The following PRPSAP2 variants were observed in gnomAD, a reference collection of about 807,000 sequenced individuals.
PRPSAP2 encodes the protein phosphoribosyl pyrophosphate synthase-associated protein 2.
A neutral mutation model predicts 40.6 loss-of-function variants in PRPSAP2; 24 were observed. The observed-to-expected ratio is 0.59, with a 90% CI of 0.43 to 0.83. The LOEUF is 0.83. Among genes scored for constraint, PRPSAP2 ranks in the 40% least tolerant of loss-of-function variants. PRPSAP2 has a pLI of 0.00. For synonymous variants in PRPSAP2, 149 were observed against 164.7 expected (o/e 0.90, Z 0.73); for missense variants, 292 against 465.6 (o/e 0.63, Z 3.43).
At chr17:18,917,309 C>T (rs905247035) in intron 9 of PRPSAP2, 1 of 151,126 alleles carries the variant, frequency 6.6e-6, no homozygotes, top group African/African-American at 2.4e-5. Context: ...AAATGTGACT[C>T]GAAGTGGTTA....
chr17:18,904,136 TCA>T (rs1006955762), intron 8 of PRPSAP2: 15 of 152,220 alleles, frequency 9.9e-5, no homozygotes, highest in African/African-American at 3.6e-4. Context: ...TCTCCAAGCC[TCA>T]GTTTCCTGGG....
At chr17:18,928,446 T>C (rs547236147) in intron 10 of PRPSAP2, 1 of 286,622 alleles carries the variant, frequency 3.5e-6, no homozygotes, top group East Asian at 8.2e-5. Context: ...TTAACACTTT[T>C]TCTGTGCATT....
chr17:18,861,186 C>T lies in PRPSAP2; in HGVS notation c.-129+2925C>T, dbSNP rs149109172. On this transcript the variant is annotated intron_variant, in intron 1 of 11. Transcript: ENST00000268835. ...TAAAACTACAAGCAGGCATTATGGCCGGGCGCAGTGGCTCATGCCTGTAAT... is the reference window on the plus strand; with the variant it reads ...TAAAACTACAAGCAGGCATTATGGCTGGGCGCAGTGGCTCATGCCTGTAAT... Among the ~76,000 whole-genome samples, 498 of 152,246 alleles carry T rather than the reference C, an allele frequency of 3.3e-3. 1 individual carries two copies. Among genetic ancestry groups the T allele is most frequent in the African/African-American group, 0.012 (482 of 41,536 alleles).
chr17:18,868,140 A>G (rs2037564477), intron 4 of PRPSAP2, among the ~76,000 whole-genome samples: 1 of 152,018 alleles, frequency 6.6e-6, no homozygotes. Context: ...AAATAAATAG[A>G]AAGTGATCTT....
chr17:18,918,621 C>T (rs533685083), intron 9 of PRPSAP2, among the ~76,000 whole-genome samples: 1 of 152,358 alleles, frequency 6.6e-6, no homozygotes, highest in East Asian at 1.9e-4. Flanking sequence ...CAGGCCAGGC[C>T]TGCATCTGTG....
chr17:18,872,788 A>T, intron 5 of PRPSAP2, 139 bp downstream of exon 5: 1 of 652,594 alleles, frequency 1.5e-6, no homozygotes, highest in Non-Finnish European at 2.6e-6. Context: ...TTAGAAAACT[A>T]AGTTTTCTGA....
At chr17:18,883,149 G>C (rs968898154) in intron 7 of PRPSAP2, among the ~76,000 whole-genome samples, 13 of 152,124 alleles carry the variant, frequency 8.5e-5, no homozygotes, top group Non-Finnish European at 1.9e-4. Context: ...GGGAACCACT[G>C]TCCTGAAGCG....
chr17:18,922,278 G>A lies in PRPSAP2; in HGVS notation c.734-1636G>A, dbSNP rs141909745. Among the ~76,000 whole-genome samples the A allele has an allele frequency of 9.7e-4, 148 of 152,266 alleles. 1 individual carries two copies. The highest frequency in any genetic ancestry group is 3.5e-3 in the African/African-American group (145 of 41,552). On this transcript the variant is annotated intron_variant, in intron 9 of 11. Coordinates refer to ENST00000268835, the MANE Select transcript of PRPSAP2 (RefSeq NM_002767.4). Reference sequence around the variant, plus strand: ...GTATGAGTTTTCTGTGTGGATAGATGATTCATTTCTCATGGTCTATACCTG... The same window carrying A: ...GTATGAGTTTTCTGTGTGGATAGATAATTCATTTCTCATGGTCTATACCTG...
chr17:18,865,887 TG>T lies in PRPSAP2; in HGVS notation c.56del (p.Gly19ValfsTer24). 6.5e-7 allele frequency: 1 copy of T among 1,547,058 alleles called. No homozygotes were observed. The highest frequency in any genetic ancestry group is 8.8e-7 in the Non-Finnish European group (1 of 1,138,456). On this transcript the variant is annotated frameshift_variant, in exon 3 of 12. Transcript: ENST00000268835. LOFTEE classifies it high-confidence loss of function. ...LETKMNITKG[G>X]LVLFSANSNS... ...AAACCAAGATGAACATAACCAAAGG[TG>T]GTCTGGTGTTGTTTTCAGCAAACTC...
intron 8 of PRPSAP2, among the ~76,000 whole-genome samples, chr17:18,891,219 C>A (rs1254074401): frequency 1.3e-5 from 2 of 152,184 alleles, no homozygotes; most frequent in African/African-American, 4.8e-5. Flanking sequence ...GGAGAACTTG[C>A]ACACAGTAAG....
intron 5 of PRPSAP2, among the ~76,000 whole-genome samples, chr17:18,877,255 G>C (rs1444447510): frequency 6.6e-6 from 1 of 151,676 alleles, no homozygotes; most frequent in Non-Finnish European, 1.5e-5. Context: ...CAGCAAAGGG[G>C]AGCAGAGGGG....
chr17:18,901,379 T>A (rs1004012993), intron 8 of PRPSAP2, among the ~76,000 whole-genome samples: 1 of 151,948 alleles, frequency 6.6e-6, no homozygotes, highest in Non-Finnish European at 1.5e-5. Flanking sequence ...TACCTTTTAG[T>A]GTCTTCTCAT....
At chr17:18,909,672 C>CTTTG (rs2040838260) in intron 8 of PRPSAP2, among the ~76,000 whole-genome samples, 1 of 151,332 alleles carries the variant, frequency 6.6e-6, no homozygotes, top group Admixed American at 6.6e-5. Context: ...TGGGAGGCCA[C>CTTTG]GGTGGGCAGA....
Position 18,911,359 on chromosome 17 carries a change from A to C in PRPSAP2, c.733+108A>C. 7.7e-7 allele frequency: 1 copy of C among 1,296,450 alleles called. No individual in the cohort carries two copies. The highest frequency in any genetic ancestry group is 1.0e-6 in the Non-Finnish European group (1 of 964,228). The allele number at this position is 1,296,450 out of a possible 1,614,324, so 80.3% of individuals were successfully genotyped here. ...TCTTCGTTTTTTTTTAGTTGGCAAA[A>C]ACTCATTAACACCTTTCTTGGCCAG... On this transcript the variant is annotated intron_variant, in intron 9 of 11. Coordinates refer to ENST00000268835, the MANE Select transcript of PRPSAP2 (RefSeq NM_002767.4). The surrounding 1 kb of genome is among the most constrained non-coding windows in gnomAD (Gnocchi z 4.5).
intron 1 of PRPSAP2, among the ~76,000 whole-genome samples, chr17:18,861,876 C>T (rs964278185): frequency 9.5e-6 from 1 of 105,550 alleles, no homozygotes; most frequent in Non-Finnish European, 2.1e-5. Flanking sequence ...GGAATCTCAG[C>T]ATGTTCTTTT....
chr17:18,892,765 C>T (rs1418899344), intron 8 of PRPSAP2, among the ~76,000 whole-genome samples: 4 of 120,284 alleles, frequency 3.3e-5, no homozygotes, highest in Middle Eastern at 4.2e-3. Flanking sequence ...GACAGAGTCT[C>T]GCTCTGTCAC....
At chr17:18,915,883 G>A (rs532992882) in intron 9 of PRPSAP2, among the ~76,000 whole-genome samples, 5 of 151,480 alleles carry the variant, frequency 3.3e-5, no homozygotes, top group Middle Eastern at 3.4e-3. Context: ...GCAGTGGTAC[G>A]ATTTTGGCTC....
chr17:18,875,634 C>T (rs1281813524), intron 5 of PRPSAP2, among the ~76,000 whole-genome samples: 2 of 149,308 alleles, frequency 1.3e-5, no homozygotes, highest in African/African-American at 4.9e-5. Context: ...GAGGCCGAGG[C>T]GGGCAGATCA....
At chr17:18,858,624 C>G (rs1033138726) in intron 1 of PRPSAP2, 3 of 152,246 alleles carry the variant, frequency 2.0e-5, no homozygotes, top group African/African-American at 7.2e-5. Context: ...TGACACGGAG[C>G]CCCTGATTTT....
Sources: gnomAD v4.1 joint callset for allele counts (sites outside exome capture counted in the v4.1 genomes callset) on GRCh38, gnomAD v4.1.1 for gene constraint, Gnocchi (gnomAD v3.1) non-coding constraint, MANE v1.5 for transcripts, NCBI Gene and HGNC (gene_info 2026-07-23, HGNC 2026-07-21) for gene names.